Variants in ABCB8 observed in about 807,000 individuals in gnomAD.
The protein encoded by ABCB8 is ATP binding cassette subfamily B member 8, also known as mitochondrial potassium channel ATP-binding subunit.
In ABCB8, 52 loss-of-function variants were observed where a neutral mutation model predicts 73.0. That is an observed-to-expected ratio of 0.71 (90% CI 0.57 to 0.90). The LOEUF is 0.90. ABCB8 is among the 40% of genes least tolerant of loss of function. The pLI is 0.00. For synonymous variants in ABCB8, 428 were observed against 423.5 expected (o/e 1.01, Z -0.13); for missense variants, 909 against 974.6 (o/e 0.93, Z 0.90).
chr7:151,028,680 G>C (rs1471633092), intron 1 of ABCB8, 70 bp downstream of exon 1: 1 of 1,576,144 alleles, frequency 6.3e-7, no homozygotes, highest in African/African-American at 1.3e-5. Flanking sequence ...CCCGCCGGGA[G>C]ATGGAGTCCA....
At chr7:151,041,423 T>G (rs1396503119) in intron 13 of ABCB8, among the ~76,000 whole-genome samples, 191 bp downstream of exon 13, 1 of 152,236 alleles carries the variant, frequency 6.6e-6, no homozygotes, top group Non-Finnish European at 1.5e-5. Context: ...CAGCCACAGC[T>G]CTGCCTGGTC....
chr7:151,029,059 C>T (rs1258075046), intron 1 of ABCB8: 3 of 1,087,126 alleles, frequency 2.8e-6, no homozygotes, highest in Non-Finnish European at 3.5e-6. Context: ...CGCGGTGGCT[C>T]GCTCCTGTAA....
intron 9 of ABCB8, chr7:151,037,104 T>G: frequency 1.4e-6 from 1 of 700,852 alleles, no homozygotes. Flanking sequence ...GAATCCCCAT[T>G]TGCCCTCCCC....
rs199632673 is a variant in ABCB8, at chr7:151,040,345, G to T, written c.1251+44G>T. 1,364 of 1,607,352 alleles carry T rather than the reference G, an allele frequency of 8.5e-4. 1 individual carries two copies. The highest frequency in any genetic ancestry group is 1.1e-3 in the Non-Finnish European group (1,274 of 1,177,088). ...GGAGGGCCTGGGGTGTGGAGTTTGT[G>T]CCGTGTGTGCCGCTGTGGGAGCTGC... On this transcript the variant is annotated intron_variant, in intron 10 of 15. Transcript: ENST00000358849.
At position 151,034,319 on chromosome 7, in the gene ABCB8, T is replaced by G. The variant is rs1797426214; in HGVS notation, c.455T>G (p.Leu152Arg). 6.2e-7 allele frequency: 1 copy of G among 1,613,678 alleles called. No homozygotes were observed. Among genetic ancestry groups the G allele is most frequent in the Non-Finnish European group, 8.5e-7 (1 of 1,180,000 alleles). The change falls in exon 3 of 16, where the codon CTG becomes CGG. Residue 152 changes from leucine (L) to arginine (R), a missense_variant. Coordinates refer to ENST00000358849, the MANE Select transcript of ABCB8 (RefSeq NM_007188.5). ...ALVNVQIPLLLGQLVEVVAKY... is the reference protein window; with the variant it reads ...ALVNVQIPLLRGQLVEVVAKY... ...GTGAATGTACAGATCCCCCTGCTCC[T>G]GGGCCAGCTGGTAGAGGTCGTGGCC... is the stretch of plus-strand genomic sequence containing the variant.
In ABCB8 at chr7:151,036,666, C is replaced by T; in HGVS notation, c.1217+17C>T. ...AGTGCAAAGGTAAGTGGGGGCCGTT[C>T]CCATTGCTACAGAGCCCCCTGCCGC... is the stretch of plus-strand genomic sequence containing the variant. On this transcript the variant is annotated intron_variant, in intron 9 of 15. Transcript: ENST00000358849. 2 of 1,573,692 alleles carry T rather than the reference C, an allele frequency of 1.3e-6. No individual in the cohort carries two copies. The highest frequency in any genetic ancestry group is 2.2e-5 in the East Asian group (1 of 44,482).
Position 151,033,637 on chromosome 7 carries a change from T to G in ABCB8, c.128T>G (p.Leu43Arg). The change falls in exon 2 of 16, where the codon CTC (leucine) becomes CGC (arginine). Residue 43 changes from leucine (L) to arginine (R), a missense_variant. Leu to Arg is a moderately radical substitution (Grantham distance 102). Transcript: ENST00000358849. ...GATGGCTACCGCAGCTCCTCCCTCC[T>G]CCGGGCCGTGGCCCACCTGCGGTCC... Reference protein sequence around the residue: ...YSDGYRSSSLLRAVAHLRSQL... With the variant: ...YSDGYRSSSLRRAVAHLRSQL... The G allele has an allele frequency of 6.3e-7, 1 of 1,598,498 alleles. No homozygotes were observed. The highest frequency in any genetic ancestry group is 8.5e-7 in the Non-Finnish European group (1 of 1,170,066).
At chr7:151,042,148 C>T in intron 14 of ABCB8, 40 bp downstream of exon 14, 1 of 1,606,844 alleles carries the variant, frequency 6.2e-7, no homozygotes, top group Non-Finnish European at 8.5e-7. Context: ...TGGTGAGGCA[C>T]TGGGACACAG....
At chr7:151,028,789 A>T in intron 1 of ABCB8, 179 bp downstream of exon 1, 1 of 1,543,430 alleles carries the variant, frequency 6.5e-7, no homozygotes, top group East Asian at 2.4e-5. Flanking sequence ...GTGACACTCC[A>T]GTCGCCAGCA....
At chr7:151,037,307 G>C (rs1485596008) in intron 9 of ABCB8, 1 of 702,834 alleles carries the variant, frequency 1.4e-6, no homozygotes, top group Non-Finnish European at 2.6e-6. Flanking sequence ...ATGCATGGAA[G>C]GACCATCCTT....
At chr7:151,041,918 G>A (rs988836031) in intron 13 of ABCB8, 43 bp from the exon 14 acceptor site, 6 of 1,602,054 alleles carry the variant, frequency 3.7e-6, no homozygotes, top group Non-Finnish European at 5.1e-6. Context: ...GGGGCAAAGA[G>A]AATGTTTCTA....
chr7:151,035,846 C>T, intron 6 of ABCB8, 36 bp from the exon 7 acceptor site: 25 of 1,611,402 alleles, frequency 1.6e-5, no homozygotes, highest in East Asian at 2.2e-5. Context: ...GTCCTGTTTT[C>T]TGGACTCCTT....
At chr7:151,034,981 CCATGGAAGTT>C (rs1266390201) in intron 5 of ABCB8, 152 bp downstream of exon 5, 10 of 681,812 alleles carry the variant, frequency 1.5e-5, no homozygotes, top group African/African-American at 3.6e-5. Flanking sequence ...GGGTGAGGGA[CCATGGAAGTT>C]CATGGAAGGA....
chr7:151,043,257 C>T (rs976388502), intron 14 of ABCB8, among the ~76,000 whole-genome samples: 1 of 152,192 alleles, frequency 6.6e-6, no homozygotes, highest in Non-Finnish European at 1.5e-5. Flanking sequence ...TTTGGCAACT[C>T]CCTTGGAGTG....
chr7:151,040,857 T>A lies in ABCB8; in HGVS notation c.1418T>A (p.Leu473Gln). The A allele has an allele frequency of 6.2e-7, 1 of 1,602,936 alleles. No homozygotes were observed. Among genetic ancestry groups the A allele is most frequent in the Middle Eastern group, 1.7e-4 (1 of 6,048 alleles). ...CCCTGCCGCCCCGGCTTCGAGGTGC[T>A]GAAAGACTTCACCCTGACGCTGCCC... The part of the protein sequence containing the change: ...SYPCRPGFEV[L>Q]KDFTLTLPPG... The change falls in exon 12 of 16, where the codon CTG becomes CAG. Residue 473 changes from leucine (L) to glutamine (Q), a missense_variant. Physicochemically the swap from Leu to Gln is moderately radical, Grantham distance 113. Transcript: ENST00000358849.
At chr7:151,033,562 G>A (rs1320543112) in intron 1 of ABCB8, 43 bp from the exon 2 acceptor site, 1 of 1,518,242 alleles carries the variant, frequency 6.6e-7, no homozygotes, top group South Asian at 1.3e-5. Context: ...CAGCAGGAGG[G>A]CAGTCGGAGC....
At chr7:151,031,208 G>T (rs983784590) in intron 1 of ABCB8, 18 of 1,355,622 alleles carry the variant, frequency 1.3e-5, no homozygotes, top group Non-Finnish European at 1.6e-5. Context: ...AGTTCTGCCA[G>T]TGCTGTCTAA....
intron 9 of ABCB8, chr7:151,037,345 A>T (rs939974994): frequency 1.4e-6 from 1 of 702,060 alleles, no homozygotes; most frequent in Admixed American, 2.0e-5. Flanking sequence ...GCCCTTCCCC[A>T]TGCCTGCCAC....
At chr7:151,030,936 T>C (rs1796145695) in intron 1 of ABCB8, among the ~76,000 whole-genome samples, 1 of 150,638 alleles carries the variant, frequency 6.6e-6, no homozygotes, top group Admixed American at 6.6e-5. Flanking sequence ...TGAGACCCTG[T>C]CTTGAAAAGA....
Sources: allele counts gnomAD v4.1 joint callset (sites outside exome capture counted in the v4.1 genomes callset), GRCh38; gene constraint gnomAD v4.1.1; transcripts MANE v1.5; gene names NCBI Gene and HGNC (gene_info 2026-07-23, HGNC 2026-07-21).